CNTN4: variants seen among roughly 807,000 people sequenced by gnomAD.
CNTN4 encodes the protein contactin-4.
A neutral mutation model predicts 122.5 loss-of-function variants in CNTN4; 77 were observed. The ratio of observed to expected loss-of-function variants is 0.63; its 90% CI spans 0.52 to 0.76. CNTN4 has a LOEUF of 0.76. CNTN4 is among the 30% of genes least tolerant of loss of function. The pLI is 0.00. For missense variants in CNTN4, 1,256 were observed against 1,259.1 expected (o/e 1.00, Z 0.04); for synonymous variants, 512 against 447.0 (o/e 1.15, Z -1.83).
At chr3:2,865,437 C>A (rs555553510) in intron 7 of CNTN4, among the ~76,000 whole-genome samples, 1 of 152,144 alleles carries the variant, frequency 6.6e-6, no homozygotes. Context: ...ACTGAAGTGA[C>A]CTTTCTGCTA....
chr3:2,880,220 G>A (rs903164461), intron 8 of CNTN4, among the ~76,000 whole-genome samples: 52 of 152,248 alleles, frequency 3.4e-4, no homozygotes, highest in African/African-American at 1.2e-3. Context: ...ACAGAGAGAG[G>A]CTGGGAAAAA....
intron 14 of CNTN4, among the ~76,000 whole-genome samples, chr3:2,995,516 T>A (rs1299605045): frequency 6.6e-6 from 1 of 152,200 alleles, no homozygotes; most frequent in East Asian, 1.9e-4. Context: ...AAGATGTAAT[T>A]CCTTAACTGT....
chr3:2,982,028 ACT>A (rs1368847937), intron 13 of CNTN4, among the ~76,000 whole-genome samples: 2 of 152,172 alleles, frequency 1.3e-5, no homozygotes, highest in African/African-American at 4.8e-5. Context: ...ACACAGCAAG[ACT>A]CTGTCTCAAA....
At chr3:2,119,761 C>A (rs1198393779) in intron 2 of CNTN4, among the ~76,000 whole-genome samples, 1 of 150,346 alleles carries the variant, frequency 6.7e-6, no homozygotes, top group Non-Finnish European at 1.5e-5. Flanking sequence ...GCCGTAGGAC[C>A]AAGCTAGATC....
intron 13 of CNTN4, among the ~76,000 whole-genome samples, chr3:2,969,682 T>C (rs964248910): frequency 6.6e-6 from 1 of 152,106 alleles, no homozygotes; most frequent in South Asian, 2.1e-4. Context: ...TAGCAAGTAC[T>C]CAAAAAATAT....
In CNTN4 at chr3:2,134,655, A is replaced by G. The variant is rs181095820; in HGVS notation, c.-145+34016A>G. ...ATGGCTGGTCCTATTTTTGGTTGTG[A>G]TAACTAAGGGGATGCCGCTGGCATC... On this transcript the variant is annotated intron_variant, in intron 2 of 24. Coordinates refer to ENST00000418658, the MANE Select transcript of CNTN4 (RefSeq NM_175607.3). 2.7e-3 allele frequency among the ~76,000 whole-genome samples: 411 copies of G among 152,214 alleles called. 4 individuals carry two copies. Among genetic ancestry groups the G allele is most frequent in the African/African-American group, 9.3e-3 (386 of 41,544 alleles).
At chr3:2,840,519 T>A (rs558686129) in intron 7 of CNTN4, among the ~76,000 whole-genome samples, 1 of 110,068 alleles carries the variant, frequency 9.1e-6, no homozygotes, top group East Asian at 3.2e-4. Flanking sequence ...GCTAACACGG[T>A]GAAACCCCGT....
intron 6 of CNTN4, among the ~76,000 whole-genome samples, chr3:2,804,095 A>G (rs1432250121): frequency 2.1e-5 from 3 of 143,776 alleles, no homozygotes; most frequent in African/African-American, 5.1e-5. Context: ...ACACACACAC[A>G]CACGTATGAT....
chr3:2,980,682 G>A (rs942133647), intron 13 of CNTN4, among the ~76,000 whole-genome samples: 2 of 152,138 alleles, frequency 1.3e-5, no homozygotes, highest in South Asian at 2.1e-4. Flanking sequence ...GTTTAGAGCC[G>A]AAGTTTAATA....
At chr3:2,136,977 A>G (rs970301530) in intron 2 of CNTN4, among the ~76,000 whole-genome samples, 3 of 152,214 alleles carry the variant, frequency 2.0e-5, no homozygotes, top group Admixed American at 6.5e-5. Flanking sequence ...CCCGAAGAAA[A>G]CAACCCACCG....
chr3:2,162,203 T>C (rs1009327832), intron 2 of CNTN4, among the ~76,000 whole-genome samples: 1 of 152,246 alleles, frequency 6.6e-6, no homozygotes, highest in Non-Finnish European at 1.5e-5. Context: ...GTGTTTGTAC[T>C]TGAATTACTC....
At chr3:2,929,895 G>A (rs1026741007) in intron 13 of CNTN4, among the ~76,000 whole-genome samples, 9 of 152,164 alleles carry the variant, frequency 5.9e-5, no homozygotes, top group Non-Finnish European at 8.8e-5. Context: ...TGGATGCTGC[G>A]CAGAGGCTGA....
At chr3:3,043,231 C>G (rs1700324279) in intron 22 of CNTN4, 68 bp downstream of exon 22, 2 of 1,404,440 alleles carry the variant, frequency 1.4e-6, no homozygotes, top group African/African-American at 2.8e-5. Context: ...ATTCCTTATC[C>G]CCACCTCCCA....
intron 3 of CNTN4, among the ~76,000 whole-genome samples, chr3:2,467,035 A>G (rs1384745797): frequency 7.3e-6 from 1 of 136,992 alleles, no homozygotes; most frequent in Non-Finnish European, 1.5e-5. Flanking sequence ...TTTAGTATTC[A>G]CACATATGGA....
At chr3:2,682,941 A>AT (rs11400645) in intron 4 of CNTN4, among the ~76,000 whole-genome samples, 71,328 of 151,848 alleles carry the variant, frequency 0.47, 18,848 homozygotes, top group African/African-American at 0.72. Context: ...CCAAATGTGC[A>AT]TTTGACACTC....
At chr3:2,217,075 G>A (rs1286694266) in intron 2 of CNTN4, among the ~76,000 whole-genome samples, 1 of 152,112 alleles carries the variant, frequency 6.6e-6, no homozygotes, top group Non-Finnish European at 1.5e-5. Flanking sequence ...TGAAATGTAG[G>A]ATGAGACTTT....
intron 3 of CNTN4, among the ~76,000 whole-genome samples, chr3:2,530,133 G>C (rs918719885): frequency 4.6e-5 from 7 of 152,052 alleles, no homozygotes; most frequent in African/African-American, 1.7e-4. Flanking sequence ...TTTGAGAGCA[G>C]TAGGAGCTTT....
At chr3:2,263,652 T>C (rs765222185) in intron 2 of CNTN4, among the ~76,000 whole-genome samples, 5 of 151,984 alleles carry the variant, frequency 3.3e-5, no homozygotes, top group Non-Finnish European at 7.4e-5. Context: ...TCTTCTCTTC[T>C]AGCGATTTTC....
rs1312586915 is a variant in CNTN4 at position 2,329,042 on chromosome 3, A to C, written c.-144-10136A>C. ...GTTTATATCAATATAAATAGAAGTA[A>C]AATTTTTCACAAATGGAAAATAATA... On this transcript the variant is annotated intron_variant, in intron 2 of 24. Transcript: ENST00000418658. Among the ~76,000 whole-genome samples the C allele has an allele frequency of 1.1e-4, 17 of 152,318 alleles. No homozygotes were observed. The South Asian group carries it at 2.7e-3, about 24-fold the overall frequency.
Sources: gnomAD v4.1 joint callset for allele counts (sites outside exome capture counted in the v4.1 genomes callset) on GRCh38, gnomAD v4.1.1 for gene constraint, MANE v1.5 for transcripts, NCBI Gene and HGNC (gene_info 2026-07-23, HGNC 2026-07-21) for gene names.